RIOK1: variants seen among roughly 807,000 people sequenced by gnomAD.
RIOK1 encodes RIO kinase 1.
In RIOK1, 66 loss-of-function variants were observed where a neutral mutation model predicts 73.5. That is an observed-to-expected ratio of 0.90 (90% CI 0.74 to 1.10). The LOEUF is 1.10. Among genes scored for constraint, RIOK1 ranks in the 50% least tolerant of loss-of-function variants. RIOK1 has a pLI of 0.00. For synonymous variants in RIOK1, 224 were observed against 226.8 expected, an observed-to-expected ratio of 0.99 and a Z score of 0.11; for missense variants, 658 against 699.8, an observed-to-expected ratio of 0.94 and a Z score of 0.67.
intron 13 of RIOK1, 105 bp from the exon 14 acceptor site, chr6:7,411,227 A>T: frequency 8.1e-7 from 1 of 1,239,640 alleles, no homozygotes; most frequent in Non-Finnish European, 1.1e-6. Context: ...AGTGTTAGGG[A>T]TGAATGAATA....
rs1332966797 is a variant in RIOK1 at position 7,398,718 on chromosome 6, CA to C, written c.459del (p.Asp154ThrfsTer5). The stretch of plus-strand genomic sequence containing the variant: ...GTTAGGTATCGCATCAAAGATAAGG[CA>C]GACAGAGCAACTGTAGAACAGGTAC... ...EADMYRIKDK[A>X]DRATVEQVLD... is the part of the protein sequence containing the mutation. On this transcript the variant is annotated frameshift_variant, in exon 5 of 17. Transcript: ENST00000379834. LOFTEE classifies it high-confidence loss of function. The C allele has an allele frequency of 6.2e-7, 1 of 1,612,806 alleles. No homozygotes were observed. Among genetic ancestry groups the C allele is most frequent in the South Asian group, 1.1e-5 (1 of 90,830 alleles).
intron 12 of RIOK1, among the ~76,000 whole-genome samples, chr6:7,408,195 C>T (rs950789236): frequency 1.4e-4 from 22 of 152,158 alleles, no homozygotes; most frequent in African/African-American, 4.6e-4. Flanking sequence ...TGCCATCATG[C>T]CCAGCTAATT....
At chr6:7,394,255 G>A (rs185146723) in intron 2 of RIOK1, among the ~76,000 whole-genome samples, 41 of 152,278 alleles carry the variant, frequency 2.7e-4, no homozygotes, top group African/African-American at 8.4e-4. Context: ...CCAACATGGC[G>A]AAACCCTGTC....
At position 7,393,187 on chromosome 6, in the gene RIOK1, G is replaced by A. The variant is rs1761383777; in HGVS notation, c.160G>A (p.Glu54Lys). The change falls in exon 2 of 17, where the codon GAA (glutamate) becomes AAA (lysine). Residue 54 changes from glutamate to lysine, a missense_variant. Glu to Lys is a moderately conservative substitution (Grantham distance 56, BLOSUM62 1). Transcript: ENST00000379834. ...CAATGTGAATGAGAATGGTGAAGGT[G>A]AAATAGAAGATGAGGAGGAGGAGGG... ...QDNVNENGEG[E>K]IEDEEEEGYD... 2 of 1,613,224 alleles carry A rather than the reference G, an allele frequency of 1.2e-6. No homozygotes were observed. Among genetic ancestry groups the A allele is most frequent in the Non-Finnish European group, 1.7e-6 (2 of 1,179,180 alleles).
At chr6:7,402,373 TGTCA>T (rs1347081685) in intron 6 of RIOK1, among the ~76,000 whole-genome samples, 1 of 152,238 alleles carries the variant, frequency 6.6e-6, no homozygotes, top group Non-Finnish European at 1.5e-5. Flanking sequence ...GTCTGTCACC[TGTCA>T]GTAACTAAAA....
At chr6:7,392,320 C>T (rs1761362845) in intron 1 of RIOK1, among the ~76,000 whole-genome samples, 1 of 151,934 alleles carries the variant, frequency 6.6e-6, no homozygotes, top group Non-Finnish European at 1.5e-5. Flanking sequence ...TGCCAGTCCC[C>T]ACTTCTATTG....
At chr6:7,400,850 G>A in intron 5 of RIOK1, 108 bp from the exon 6 acceptor site, 1 of 643,882 alleles carries the variant, frequency 1.6e-6, no homozygotes, top group Non-Finnish European at 2.8e-6. Flanking sequence ...AGTCAACCAG[G>A]ATAGCGTCGT....
Position 7,410,503 on chromosome 6 carries a change from T to G in RIOK1, c.1269+52T>G, listed in dbSNP as rs531110162. 1,938 of 686,828 alleles carry G rather than the reference T, an allele frequency of 2.8e-3. 4 individuals are homozygous for G. Among genetic ancestry groups the G allele is most frequent in the Non-Finnish European group, 3.5e-3 (1,677 of 473,982 alleles). 42.5% of individuals were successfully genotyped at this position (686,828 alleles called of 1,614,324 possible). On this transcript the variant is annotated intron_variant, in intron 13 of 16. Coordinates refer to ENST00000379834, the MANE Select transcript of RIOK1 (RefSeq NM_031480.3). ...TTTGGAAACACTTGTGTTTTGAGGGTTTTTTTTTTTATGTTGCTAGAGCAT... is the reference window on the plus strand; with the variant it reads ...TTTGGAAACACTTGTGTTTTGAGGGGTTTTTTTTTTATGTTGCTAGAGCAT...
chr6:7,406,769 A>G (rs569152367), intron 12 of RIOK1, among the ~76,000 whole-genome samples: 1 of 151,924 alleles, frequency 6.6e-6, no homozygotes, highest in Admixed American at 6.6e-5. Flanking sequence ...AAGCAATTCT[A>G]CCACCCTGGC....
At chr6:7,403,586 A>C (rs927917661) in intron 8 of RIOK1, among the ~76,000 whole-genome samples, 2 of 152,244 alleles carry the variant, frequency 1.3e-5, no homozygotes, top group African/African-American at 2.4e-5. Flanking sequence ...TGTGAGTCCA[A>C]CTATTTTTAT....
At chr6:7,409,368 C>T (rs796111553) in intron 12 of RIOK1, among the ~76,000 whole-genome samples, 14 of 152,192 alleles carry the variant, frequency 9.2e-5, no homozygotes, top group African/African-American at 2.9e-4. Context: ...GATTCTCCTG[C>T]CTCAGCCTCC....
intron 12 of RIOK1, 65 bp from the exon 13 acceptor site, chr6:7,410,321 T>C: frequency 9.0e-7 from 1 of 1,110,260 alleles, no homozygotes; most frequent in South Asian, 1.3e-5. Flanking sequence ...ATACCAAAAC[T>C]GGGACATGGA....
chr6:7,415,088 G>A (rs1342082860), intron 16 of RIOK1, among the ~76,000 whole-genome samples: 1 of 152,106 alleles, frequency 6.6e-6, no homozygotes, highest in Non-Finnish European at 1.5e-5. Context: ...TAGTGATGTT[G>A]GAATTTCAGG....
In RIOK1 at chr6:7,391,092, A is replaced by G. The variant is rs151073087; in HGVS notation, c.71+1019A>G. Among the ~76,000 whole-genome samples the G allele has an allele frequency of 1.1e-3, 167 of 152,286 alleles. 1 individual carries two copies. The highest frequency in any genetic ancestry group is 3.5e-3 in the African/African-American group (145 of 41,546). On this transcript the variant is annotated intron_variant, in intron 1 of 16. Coordinates refer to ENST00000379834, the MANE Select transcript of RIOK1 (RefSeq NM_031480.3). ...CCTGCCTAAAAGCAAAATGAAACAT[A>G]TTGGAGTTATTTTGGAATTCCAAGA...
intron 10 of RIOK1, 88 bp downstream of exon 10, chr6:7,404,643 A>ATT: frequency 6.8e-7 from 1 of 1,466,224 alleles, no homozygotes; most frequent in South Asian, 1.2e-5. Flanking sequence ...AAGAAGTCAC[A>ATT]CTAACTTCTG....
intron 12 of RIOK1, among the ~76,000 whole-genome samples, chr6:7,405,581 G>A (rs986670540): frequency 2.0e-5 from 3 of 151,992 alleles, no homozygotes; most frequent in South Asian, 2.1e-4. Context: ...AAAAAGTTTC[G>A]GATTTTGGAG....
intron 8 of RIOK1, among the ~76,000 whole-genome samples, chr6:7,403,447 A>C (rs1029921035): frequency 2.0e-5 from 3 of 152,198 alleles, no homozygotes; most frequent in African/African-American, 7.2e-5. Context: ...AAGTTTCCTG[A>C]AAATTATGGA....
chr6:7,410,419 G>C lies in RIOK1; in HGVS notation c.1237G>C (p.Glu413Gln). The C allele has an allele frequency of 6.2e-7, 1 of 1,612,850 alleles. No homozygotes were observed. Among genetic ancestry groups the C allele is most frequent in the Non-Finnish European group, 8.5e-7 (1 of 1,179,032 alleles). Residue 413 changes from glutamate (E) to glutamine (Q), a missense_variant, in exon 13 of 17, where the codon GAA becomes CAA. Physicochemically the swap from Glu to Gln is conservative, Grantham distance 29 (BLOSUM62 2). Transcript: ENST00000379834. ...AATAGCATCTCAAAGGACCAAGGAA[G>C]AACGGTCTAGCCAAGATCATGTGGA... ...MEIASQRTKE[E>Q]RSSQDHVDEE...
intron 10 of RIOK1, 49 bp from the exon 11 acceptor site, chr6:7,404,869 A>G: frequency 6.8e-7 from 1 of 1,470,090 alleles, no homozygotes; most frequent in South Asian, 1.2e-5. Flanking sequence ...TAAACGAAAA[A>G]CATAGTAAAG....
Sources: gnomAD v4.1 joint callset for allele counts (sites outside exome capture counted in the v4.1 genomes callset) on GRCh38, gnomAD v4.1.1 for gene constraint, MANE v1.5 for transcripts, NCBI Gene and HGNC (gene_info 2026-07-23, HGNC 2026-07-21) for gene names.